Variants in PHKB observed in about 807,000 individuals in gnomAD.
PHKB encodes the protein phosphorylase b kinase regulatory subunit beta.
In PHKB, 122 loss-of-function variants were observed where a neutral mutation model predicts 152.1. The ratio of observed to expected loss-of-function variants is 0.80; its 90% CI spans 0.69 to 0.93. PHKB has a LOEUF of 0.93. Among genes scored for constraint, PHKB ranks in the 40% least tolerant of loss-of-function variants. PHKB has a pLI of 0.00. For synonymous variants in PHKB, 436 were observed against 464.9 expected, an observed-to-expected ratio of 0.94 and a Z score of 0.80; for missense variants, 1,304 against 1,328.4, an observed-to-expected ratio of 0.98 and a Z score of 0.29.
chr16:47,666,044 C>T lies in PHKB; in HGVS notation c.2427+1069C>T, dbSNP rs771868988. 2.5e-6 allele frequency: 4 copies of T among 1,579,038 alleles called. No individual in the cohort carries two copies. Among genetic ancestry groups the T allele is most frequent in the Non-Finnish European group, 3.5e-6 (4 of 1,148,140 alleles). ...TGCAGGGCAAACAGGTAAGTATTTGCTTTTCAGACACTTATTTGGTCCCGG... is the reference window on the plus strand; with the variant it reads ...TGCAGGGCAAACAGGTAAGTATTTGTTTTTCAGACACTTATTTGGTCCCGG... On this transcript the variant is annotated intron_variant, in intron 25 of 30. Coordinates refer to ENST00000323584, the MANE Select transcript of PHKB (RefSeq NM_000293.3).
intron 26 of PHKB, among the ~76,000 whole-genome samples, chr16:47,678,809 C>T (rs1973788549): frequency 6.6e-6 from 1 of 152,120 alleles, no homozygotes; most frequent in Admixed American, 6.5e-5. Flanking sequence ...CTTTTGTTGC[C>T]ATTGCTTTTG....
rs1330120625 is a variant in PHKB, at chr16:47,638,212, C to T, written c.1459-2823C>T. ...TCAGAATCATTTGGGGAAGAACTAG[C>T]CATATAAAAAAATAGGATGACAGAT... On this transcript the variant is annotated intron_variant, in intron 14 of 30. Coordinates refer to ENST00000323584, the MANE Select transcript of PHKB (RefSeq NM_000293.3). 3.3e-5 allele frequency among the ~76,000 whole-genome samples: 5 copies of T among 151,828 alleles called. 1 individual carries two copies. The highest frequency in any genetic ancestry group is 1.5e-5 in the Non-Finnish European group (1 of 67,970).
chr16:47,588,494 TG>T (rs1971972580), intron 9 of PHKB, among the ~76,000 whole-genome samples: 1 of 152,206 alleles, frequency 6.6e-6, no homozygotes, highest in African/African-American at 2.4e-5. Flanking sequence ...GAATGGATAT[TG>T]GATATTGTCC....
At chr16:47,518,779 A>G (rs1970638916) in intron 6 of PHKB, among the ~76,000 whole-genome samples, 1 of 152,202 alleles carries the variant, frequency 6.6e-6, no homozygotes, top group Non-Finnish European at 1.5e-5. Context: ...ACTTAGACCT[A>G]AATATAAATT....
At chr16:47,650,302 C>T (rs997102111) in intron 18 of PHKB, among the ~76,000 whole-genome samples, 7 of 152,018 alleles carry the variant, frequency 4.6e-5, no homozygotes, top group African/African-American at 7.3e-5. Context: ...ACAAATGTAG[C>T]GTGATTACTT....
chr16:47,669,957 GA>G (rs1973610473), intron 26 of PHKB, among the ~76,000 whole-genome samples: 1 of 152,184 alleles, frequency 6.6e-6, no homozygotes, highest in Non-Finnish European at 1.5e-5. Flanking sequence ...CATGGTGTAG[GA>G]AAAATTAACC....
At position 47,626,929 on chromosome 16, in the gene PHKB, C is replaced by A. The variant is rs574131467; in HGVS notation, c.1459-14106C>A. ...CATTTTCAACTCAAATCCCAGGGAA[C>A]AGATCCCGTTGGTACAAGCATCCGA... On this transcript the variant is annotated intron_variant, in intron 14 of 30. Transcript: ENST00000323584. Among the ~76,000 whole-genome samples the A allele has an allele frequency of 8.3e-4, 127 of 152,308 alleles. 1 individual carries two copies. Among genetic ancestry groups the A allele is most frequent in the African/African-American group, 2.9e-3 (121 of 41,560 alleles).
At chr16:47,614,501 C>T (rs1419736064) in intron 14 of PHKB, among the ~76,000 whole-genome samples, 2 of 152,146 alleles carry the variant, frequency 1.3e-5, no homozygotes, top group East Asian at 3.8e-4. Flanking sequence ...TCATAATGTT[C>T]ATTTATAATG....
At chr16:47,602,346 G>A (rs189161613) in intron 13 of PHKB, among the ~76,000 whole-genome samples, 19 of 152,204 alleles carry the variant, frequency 1.2e-4, no homozygotes, top group African/African-American at 3.9e-4. Context: ...ATATATATAC[G>A]AAGTTCCCAA....
In PHKB at chr16:47,554,248, A is replaced by G. The variant is rs568063865; in HGVS notation, c.710+6700A>G. Among the ~76,000 whole-genome samples the G allele has an allele frequency of 8.5e-4, 129 of 152,234 alleles. 1 individual carries two copies. Among genetic ancestry groups the G allele is most frequent in the African/African-American group, 2.9e-3 (122 of 41,530 alleles). ...AGGAATCTAGAGAGGCAGTCTGGCT[A>G]CAGCAGCTTTGCTGAGCTGTGGTGG... On this transcript the variant is annotated intron_variant, in intron 7 of 30. Coordinates refer to ENST00000323584, the MANE Select transcript of PHKB (RefSeq NM_000293.3).
intron 14 of PHKB, among the ~76,000 whole-genome samples, chr16:47,624,444 A>G (rs193261876): frequency 2.0e-5 from 3 of 152,324 alleles, no homozygotes; most frequent in Admixed American, 2.0e-4. Flanking sequence ...TGGAGCTTTA[A>G]TTTCTCAGAA....
At chr16:47,641,448 T>C in intron 15 of PHKB, 151 bp from the exon 16 acceptor site, 1 of 648,100 alleles carries the variant, frequency 1.5e-6, no homozygotes, top group South Asian at 1.8e-5. Context: ...TATGGGCCTC[T>C]GAAATCTAGT....
intron 20 of PHKB, among the ~76,000 whole-genome samples, chr16:47,659,951 C>T (rs1350609584): frequency 2.0e-5 from 3 of 152,300 alleles, no homozygotes; most frequent in African/African-American, 7.2e-5. Context: ...GCAGCCTCCA[C>T]CTTCTAGGTT....
intron 6 of PHKB, among the ~76,000 whole-genome samples, chr16:47,528,930 A>G (rs1448953092): frequency 6.6e-6 from 1 of 151,994 alleles, no homozygotes; most frequent in Non-Finnish European, 1.5e-5. Context: ...TCCTGACCTC[A>G]TGATCCACCC....
At chr16:47,481,894 A>G (rs1452083047) in intron 1 of PHKB, among the ~76,000 whole-genome samples, 1 of 152,158 alleles carries the variant, frequency 6.6e-6, no homozygotes, top group African/African-American at 2.4e-5. Flanking sequence ...CCTTTTAGCT[A>G]TGAAGACCTT....
chr16:47,576,640 C>A (rs1285162106), intron 7 of PHKB, among the ~76,000 whole-genome samples: 1 of 152,180 alleles, frequency 6.6e-6, no homozygotes, highest in Admixed American at 6.5e-5. Flanking sequence ...TTTTGCAACT[C>A]TGGCGCATAC....
In PHKB at chr16:47,610,899, G is replaced by A. The variant is rs755979326; in HGVS notation, c.1437G>A (p.Val479=). 2 of 1,591,624 alleles carry A rather than the reference G, an allele frequency of 1.3e-6. No individual in the cohort carries two copies. The highest frequency in any genetic ancestry group is 8.6e-7 in the Non-Finnish European group (1 of 1,159,532). Residue 479 remains valine, a synonymous_variant, in exon 14 of 31, where the codon GTG becomes GTA. Transcript: ENST00000323584. The part of the protein sequence containing the change: ...RYVPLKDQRN[V]SMRFSNQGPL... ...TCCCACTAAAGGATCAACGTAACGT[G>A]AGCATGAGGTTTTCCAATCAGGTAA... is the stretch of plus-strand genomic sequence containing the variant.
chr16:47,683,047 T>G (rs565405486), intron 26 of PHKB, among the ~76,000 whole-genome samples: 4 of 152,350 alleles, frequency 2.6e-5, no homozygotes, highest in African/African-American at 9.6e-5. Context: ...CCTCTTTGCC[T>G]GGGTATCAGC....
At chr16:47,692,398 T>G (rs564934217) in intron 27 of PHKB, among the ~76,000 whole-genome samples, 1 of 152,242 alleles carries the variant, frequency 6.6e-6, no homozygotes, top group South Asian at 2.1e-4. Context: ...GGAGGATTAC[T>G]TGAGGCCAGG....
Sources: allele counts gnomAD v4.1 joint callset (sites outside exome capture counted in the v4.1 genomes callset), GRCh38; gene constraint gnomAD v4.1.1; transcripts MANE v1.5; gene names NCBI Gene and HGNC (gene_info 2026-07-23, HGNC 2026-07-21).